CACNA1H: variants seen among roughly 807,000 people sequenced by gnomAD.
CACNA1H encodes the protein calcium voltage-gated channel subunit alpha1 H.
CACNA1H carries 149 observed loss-of-function variants against 192.5 expected under a neutral mutation model. The observed-to-expected ratio is 0.77, with a 90% CI of 0.68 to 0.89. The LOEUF (loss-of-function observed/expected upper bound fraction) is 0.89, where lower values mean the gene tolerates loss of function less well. Among genes scored for constraint, CACNA1H ranks in the 40% least tolerant of loss-of-function variants. The pLI, the probability that CACNA1H is intolerant of heterozygous loss-of-function variation, is 0.00. For missense variants in CACNA1H, 4,257 were observed against 3,423.5 expected, an observed-to-expected ratio of 1.24 and a Z score of -6.08; for synonymous variants, 2,202 against 1,475.2, an observed-to-expected ratio of 1.49 and a Z score of -11.29.
Position 1,220,193 on chromosome 16 carries a change from C to T in CACNA1H, c.6261C>T (p.Gly2087=), listed in dbSNP as rs372118811. ...TCTCCAGCCGGCCGGCGGCCCCAGGCGGAGAGGAGGCCGAGGCCTCGGACC... is the reference window on the plus strand; with the variant it reads ...TCTCCAGCCGGCCGGCGGCCCCAGGTGGAGAGGAGGCCGAGGCCTCGGACC... ...RCVSSRPAAP[G]GEEAEASDPA... Residue 2087 remains glycine (G), a synonymous_variant, in exon 35 of 35, where the codon GGC becomes GGT. Coordinates refer to ENST00000348261, the MANE Select transcript of CACNA1H (RefSeq NM_021098.3). 2.0e-5 allele frequency: 31 copies of T among 1,539,056 alleles called. No homozygotes were observed. The East Asian group carries it at 4.1e-4, about 20-fold the overall frequency.
At chr16:1,194,740 C>T (rs983026953) in intron 2 of CACNA1H, among the ~76,000 whole-genome samples, 1 of 152,090 alleles carries the variant, frequency 6.6e-6, no homozygotes, top group Admixed American at 6.5e-5. Context: ...GGCCAGGGGG[C>T]CGGGCCTGGG....
intron 2 of CACNA1H, among the ~76,000 whole-genome samples, chr16:1,156,239 G>A (rs1183371287): frequency 6.6e-6 from 1 of 152,226 alleles, no homozygotes; most frequent in African/African-American, 2.4e-5. Flanking sequence ...AGGAGACATG[G>A]GAAGCAGAGC....
chr16:1,211,595 A>C lies in CACNA1H; in HGVS notation c.4465A>C (p.Asn1489His), dbSNP rs750626623. The C allele has an allele frequency of 6.2e-7, 1 of 1,609,870 alleles. No individual in the cohort carries two copies. The highest frequency in any genetic ancestry group is 1.3e-5 in the African/African-American group (1 of 74,848). Residue 1489 changes from asparagine to histidine, a missense_variant, in exon 23 of 35, where the codon AAC becomes CAC. Asn to His is a moderately conservative substitution (Grantham distance 68). Coordinates refer to ENST00000348261, the MANE Select transcript of CACNA1H (RefSeq NM_021098.3). ...RWVRRKYNFD[N>H]LGQALMSLFV... is the part of the protein sequence containing the mutation. ...GGTGCGACGCAAGTACAACTTCGAC[A>C]ACCTGGGCCAGGTGGGCTGGGCGGC...
chr16:1,155,322 T>C (rs1962188610), intron 2 of CACNA1H, among the ~76,000 whole-genome samples: 1 of 152,170 alleles, frequency 6.6e-6, no homozygotes, highest in Non-Finnish European at 1.5e-5. Context: ...GGGTGGTGTC[T>C]GCGAGTAGGT....
intron 2 of CACNA1H, among the ~76,000 whole-genome samples, chr16:1,179,183 G>A (rs1392524355): frequency 1.3e-5 from 2 of 152,228 alleles, no homozygotes; most frequent in Non-Finnish European, 2.9e-5. Context: ...CCCCAGGAGT[G>A]AGAGCTGTGC....
rs1271962622 is a variant in CACNA1H, at chr16:1,200,732, G to T, written c.1136G>T (p.Gly379Val). ...IAIFQVITLE[G>V]WVDIMYYVMD... ...CCCCCCCAGGTGATCACGCTGGAAG[G>T]CTGGGTGGACATCATGTACTACGTC... The change falls in exon 8 of 35, where the codon GGC becomes GTC. Residue 379 changes from glycine (G) to valine (V), a missense_variant. Gly to Val is a moderately radical substitution (Grantham distance 109). Transcript: ENST00000348261. The T allele has an allele frequency of 6.4e-7, 1 of 1,562,060 alleles. No individual in the cohort carries two copies.
chr16:1,213,253 G>T (rs1256255922), intron 26 of CACNA1H, among the ~76,000 whole-genome samples: 1 of 152,224 alleles, frequency 6.6e-6, no homozygotes, highest in Non-Finnish European at 1.5e-5. Flanking sequence ...CTCCAGTGAG[G>T]CCTTGTGGGC....
In CACNA1H at chr16:1,211,044, C is replaced by T. The variant is rs1014456717; in HGVS notation, c.4223+73C>T. ...CCTGACGCCACTGCCCATTACTCCT[C>T]CCGCAGTCCTGGGCTGTTCGCAGGC... On this transcript the variant is annotated intron_variant, in intron 21 of 34. Coordinates refer to ENST00000348261, the MANE Select transcript of CACNA1H (RefSeq NM_021098.3). 1.9e-6 allele frequency: 3 copies of T among 1,553,362 alleles called. No individual in the cohort carries two copies. The African/African-American group carries it at 4.0e-5, about 21-fold the overall frequency.
chr16:1,166,923 C>T (rs1442777036), intron 2 of CACNA1H, among the ~76,000 whole-genome samples: 1 of 152,236 alleles, frequency 6.6e-6, no homozygotes, highest in Non-Finnish European at 1.5e-5. Context: ...CTTCGTGTCT[C>T]TTGGACGTAA....
chr16:1,216,710 C>T (rs1387409199), intron 30 of CACNA1H, among the ~76,000 whole-genome samples: 1 of 152,182 alleles, frequency 6.6e-6, no homozygotes, highest in African/African-American at 2.4e-5. Context: ...GGGGTGGGCT[C>T]TGTCTACCTG....
At chr16:1,218,794 G>A (rs1252664490) in intron 33 of CACNA1H, 143 bp downstream of exon 33, 33 of 1,144,178 alleles carry the variant, frequency 2.9e-5, no homozygotes, top group Non-Finnish European at 3.8e-5. Flanking sequence ...GCAGGCAGGA[G>A]GGAGGATGGA....
rs189474945 is a variant in CACNA1H at position 1,163,173 on chromosome 16, C to T, written c.299+9137C>T. 6.0e-3 allele frequency among the ~76,000 whole-genome samples: 914 copies of T among 152,340 alleles called. 14 individuals carry two copies. Among genetic ancestry groups the T allele is most frequent in the Admixed American group, 0.03 (456 of 15,314 alleles). ...GGAGCCGATCCTGGGTCCGGAGAGG[C>T]GACAGCCACCTCCCCCAGCTCGGCC... On this transcript the variant is annotated intron_variant, in intron 2 of 34. Transcript: ENST00000348261.
rs1034170262 is a variant in CACNA1H, at chr16:1,219,770, C to T, written c.6049-211C>T. ...ATCTCTGCCCACAGAGCAGCGGGTA[C>T]AGGCTTTCCCCGGGAGCCTCACAGG... On this transcript the variant is annotated intron_variant, in intron 34 of 34. Coordinates refer to ENST00000348261, the MANE Select transcript of CACNA1H (RefSeq NM_021098.3). Among the ~76,000 whole-genome samples the T allele has an allele frequency of 5.4e-5, 7 of 130,388 alleles. 1 individual carries two copies. The Admixed American group carries it at 5.6e-4, about 10-fold the overall frequency. 85.5% of individuals were successfully genotyped at this position (130,388 alleles called of 152,430 possible). A position where few individuals can be genotyped will look rare whatever the true frequency, so the allele number is the denominator to read the frequency against.
chr16:1,205,156 T>C lies in CACNA1H; in HGVS notation c.2494T>C (p.Phe832Leu). ...TNALEISNIV[F>L]TSMFALEMLL... ...TGCTCTGGAGATCAGCAACATCGTGTTCACCAGCATGTTTGCCCTGGAGAT... is the reference window on the plus strand; with the variant it reads ...TGCTCTGGAGATCAGCAACATCGTGCTCACCAGCATGTTTGCCCTGGAGAT... Residue 832 changes from phenylalanine to leucine, a missense_variant, in exon 11 of 35, where the codon TTC becomes CTC. By Grantham distance (22) the Phe-to-Leu change is conservative. Transcript: ENST00000348261. 6.2e-7 allele frequency: 1 copy of C among 1,612,964 alleles called. No homozygotes were observed. The highest frequency in any genetic ancestry group is 8.5e-7 in the Non-Finnish European group (1 of 1,179,768).
chr16:1,161,483 G>A (rs1963192792), intron 2 of CACNA1H, among the ~76,000 whole-genome samples: 1 of 152,176 alleles, frequency 6.6e-6, no homozygotes, highest in Admixed American at 6.5e-5. Context: ...TGGGCAAGGT[G>A]GTCTTTAGTA....
At position 1,220,470 on chromosome 16, in the gene CACNA1H, G is replaced by A; in HGVS notation, c.6538G>A (p.Gly2180Ser). ...AWGPEAEPAL[G>S]ARRKKKMSPP... ...GGGCCCTGAGGCCGAGCCCGCTCTG[G>A]GTGCGCGCAGAAAGAAGAAGATGAG... is the stretch of plus-strand genomic sequence containing the variant. Residue 2180 changes from glycine to serine, a missense_variant, in exon 35 of 35, where the codon GGT becomes AGT. Coordinates refer to ENST00000348261, the MANE Select transcript of CACNA1H (RefSeq NM_021098.3). 6.5e-7 allele frequency: 1 copy of A among 1,547,050 alleles called. No homozygotes were observed. Among genetic ancestry groups the A allele is most frequent in the East Asian group, 2.3e-5 (1 of 44,312 alleles).
intron 2 of CACNA1H, among the ~76,000 whole-genome samples, chr16:1,165,701 G>C (rs1963693776): frequency 6.6e-6 from 1 of 152,226 alleles, no homozygotes; most frequent in South Asian, 2.1e-4. Context: ...TGAGGATGTA[G>C]AGGGGCTGCC....
intron 31 of CACNA1H, 130 bp from the exon 32 acceptor site, chr16:1,217,789 G>T (rs1970152162): frequency 7.9e-7 from 1 of 1,262,704 alleles, no homozygotes; most frequent in African/African-American, 1.5e-5. Flanking sequence ...GAACCGCCAG[G>T]GCCTCGTCAT....
chr16:1,200,741 A>C lies in CACNA1H; in HGVS notation c.1145A>C (p.Asp382Ala). 1.3e-6 allele frequency: 2 copies of C among 1,560,772 alleles called. No homozygotes were observed. The highest frequency in any genetic ancestry group is 1.7e-6 in the Non-Finnish European group (2 of 1,152,482). ...FQVITLEGWV[D>A]IMYYVMDAHS... The stretch of plus-strand genomic sequence containing the variant: ...GTGATCACGCTGGAAGGCTGGGTGG[A>C]CATCATGTACTACGTCATGGACGCC... The change falls in exon 8 of 35, where the codon GAC becomes GCC. Residue 382 changes from aspartate (D) to alanine (A), a missense_variant. Asp to Ala is a moderately radical substitution (Grantham distance 126). Coordinates refer to ENST00000348261, the MANE Select transcript of CACNA1H (RefSeq NM_021098.3).
Sources: allele counts gnomAD v4.1 joint callset (sites outside exome capture counted in the v4.1 genomes callset), GRCh38; gene constraint gnomAD v4.1.1; transcripts MANE v1.5; gene names NCBI Gene and HGNC (gene_info 2026-07-23, HGNC 2026-07-21).